The following CNBD2 variants were observed in gnomAD, a reference collection of about 807,000 sequenced individuals.
CNBD2 encodes cyclic nucleotide-binding domain-containing protein 2.
A neutral mutation model predicts 63.7 loss-of-function variants in CNBD2; 64 were observed. The observed-to-expected ratio is 1.00, with a 90% CI of 0.82 to 1.24. The LOEUF (loss-of-function observed/expected upper bound fraction) is 1.24, where lower values mean the gene tolerates loss of function less well. Ranked by LOEUF, CNBD2 falls within the 50% of genes most tolerant of loss-of-function variation. The probability of loss-of-function intolerance (pLI) is 0.00; values close to 1 mark genes in which losing one functional copy is unlikely to be tolerated. For missense variants in CNBD2, 691 were observed against 713.5 expected (o/e 0.97, Z 0.36); for synonymous variants, 229 against 255.4 (o/e 0.90, Z 0.99).
At chr20:36,011,676 C>T (rs1354877719) in intron 10 of CNBD2, among the ~76,000 whole-genome samples, 2 of 152,154 alleles carry the variant, frequency 1.3e-5, no homozygotes, top group Admixed American at 6.5e-5. Context: ...AAAAGGTATA[C>T]AGATTGGGAA....
chr20:36,015,217 A>G (rs1182608506), intron 10 of CNBD2, among the ~76,000 whole-genome samples: 1 of 151,900 alleles, frequency 6.6e-6, no homozygotes, highest in African/African-American at 2.4e-5. Flanking sequence ...AGGCTGTTTG[A>G]TTTCTTGAGA....
intron 3 of CNBD2, among the ~76,000 whole-genome samples, chr20:35,979,991 G>T (rs987503454): frequency 6.6e-6 from 1 of 152,214 alleles, no homozygotes; most frequent in Non-Finnish European, 1.5e-5. Context: ...CACTGGAGAA[G>T]AAAAGCTTTA....
At chr20:35,972,509 A>C in intron 1 of CNBD2, 120 bp from the exon 2 acceptor site, 1 of 918,094 alleles carries the variant, frequency 1.1e-6, no homozygotes, top group Non-Finnish European at 1.7e-6. Flanking sequence ...ACTCCAGCAC[A>C]CTACAGCACA....
chr20:36,028,061 G>A (rs995318682), intron 11 of CNBD2, among the ~76,000 whole-genome samples: 35 of 152,206 alleles, frequency 2.3e-4, no homozygotes, highest in Admixed American at 1.8e-3. Flanking sequence ...AAATACTGGC[G>A]GTTCCTTCTG....
intron 8 of CNBD2, among the ~76,000 whole-genome samples, chr20:36,000,750 GA>G (rs1171089502): frequency 3.5e-5 from 5 of 141,038 alleles, no homozygotes; most frequent in Admixed American, 7.0e-5. Context: ...ATTTGTGTAT[GA>G]AATTTTTTTT....
At chr20:35,998,731 G>A (rs112231463) in intron 8 of CNBD2, among the ~76,000 whole-genome samples, 5,391 of 151,876 alleles carry the variant, frequency 0.035, 333 homozygotes, top group African/African-American at 0.12. Flanking sequence ...AAATTAGCTG[G>A]GCATGGTGGC....
intron 2 of CNBD2, chr20:35,973,090 G>A: frequency 2.1e-6 from 1 of 467,700 alleles, no homozygotes; most frequent in Non-Finnish European, 3.7e-6. Context: ...CAAAATATGG[G>A]CTGAGAGGGA....
upstream of CNBD2, among the ~76,000 whole-genome samples, chr20:35,964,834 C>A (rs1195773564): frequency 6.6e-6 from 1 of 152,056 alleles, no homozygotes; most frequent in Non-Finnish European, 1.5e-5. Context: ...TCCCAAGTAG[C>A]TGGGACTACA....
chr20:35,993,982 C>T (rs1043639931), intron 7 of CNBD2, among the ~76,000 whole-genome samples: 7 of 146,714 alleles, frequency 4.8e-5, no homozygotes, highest in Non-Finnish European at 8.9e-5. Flanking sequence ...TCAAGTGATT[C>T]GATTCTCCTG....
At position 36,008,434 on chromosome 20, in the gene CNBD2, T is replaced by C; in HGVS notation, c.1108T>C (p.Ser370Pro). 1 of 1,613,738 alleles carries C rather than the reference T, an allele frequency of 6.2e-7. No homozygotes were observed. The highest frequency in any genetic ancestry group is 8.5e-7 in the Non-Finnish European group (1 of 1,179,918). The change falls in exon 9 of 12, where the codon TCA becomes CCA. Residue 370 changes from serine to proline, a missense_variant. Transcript: ENST00000373973. ...AAGCTTCAGCAGGAAGATCAGAACC[T>C]CAGGAGACACTCTCCCCAAGATGCT... ...GTSFSRKIRT[S>P]GDTLPKMLGP...
At chr20:35,957,339 C>G (rs1255429623), downstream of CNBD2, among the ~76,000 whole-genome samples, 1 of 152,192 alleles carries the variant, frequency 6.6e-6, no homozygotes, top group Non-Finnish European at 1.5e-5. Context: ...GTAATCCCAG[C>G]ACTTTGGGAG....
rs183897885 is a variant in CNBD2, at chr20:35,972,991, C to A, written c.189+225C>A. The A allele has an allele frequency of 8.4e-4, 466 of 555,716 alleles. 1 individual carries two copies. Among genetic ancestry groups the A allele is most frequent in the African/African-American group, 8.1e-3 (432 of 53,054 alleles). 34.4% of individuals were successfully genotyped at this position (555,716 alleles called of 1,614,324 possible). A position where few individuals can be genotyped will look rare whatever the true frequency, so the allele number is the denominator to read the frequency against. ...TGAACCCCAGATTTAGACAGCCTTA[C>A]ATGCCTAGCCACAGGCAACGCTGGA... On this transcript the variant is annotated intron_variant, in intron 2 of 11. Transcript: ENST00000373973.
At chr20:35,955,907 G>T (rs1025650232), downstream of CNBD2, among the ~76,000 whole-genome samples, 1 of 152,264 alleles carries the variant, frequency 6.6e-6, no homozygotes. Context: ...TTTTGGTACA[G>T]ATGGAGTTTC....
chr20:35,955,672 T>C (rs1209720721), downstream of CNBD2, among the ~76,000 whole-genome samples: 1 of 152,190 alleles, frequency 6.6e-6, no homozygotes, highest in Non-Finnish European at 1.5e-5. Flanking sequence ...CAGAGGTAAT[T>C]GAGAATTCAG....
chr20:35,993,631 T>C (rs760886912), intron 7 of CNBD2, among the ~76,000 whole-genome samples: 29 of 152,176 alleles, frequency 1.9e-4, no homozygotes, highest in Non-Finnish European at 3.5e-4. Context: ...ATACATCTTA[T>C]ATGTTCATAG....
At chr20:35,987,685 C>A in intron 7 of CNBD2, 152 bp downstream of exon 7, 1 of 829,644 alleles carries the variant, frequency 1.2e-6, no homozygotes, top group Non-Finnish European at 1.9e-6. Flanking sequence ...CTGTAAGAGG[C>A]CTGCCTCTCA....
intron 1 of CNBD2, among the ~76,000 whole-genome samples, chr20:35,971,811 C>T (rs1394156640): frequency 6.6e-6 from 1 of 152,088 alleles, no homozygotes; most frequent in African/African-American, 2.4e-5. Flanking sequence ...CTAGAGCAGC[C>T]CCCATGCCTT....
At chr20:35,970,921 T>C (rs2056404793) in intron 1 of CNBD2, among the ~76,000 whole-genome samples, 1 of 151,894 alleles carries the variant, frequency 6.6e-6, no homozygotes, top group South Asian at 2.1e-4. Context: ...ACAGAGACTT[T>C]TATTTAGTTT....
At chr20:36,003,302 C>T (rs1340898602) in intron 8 of CNBD2, among the ~76,000 whole-genome samples, 1 of 151,928 alleles carries the variant, frequency 6.6e-6, no homozygotes, top group Non-Finnish European at 1.5e-5. Context: ...TTATATTTTC[C>T]TACTTCTTTG....
Sources: allele counts gnomAD v4.1 joint callset (sites outside exome capture counted in the v4.1 genomes callset), GRCh38; gene constraint gnomAD v4.1.1; transcripts MANE v1.5; gene names NCBI Gene and HGNC (gene_info 2026-07-23, HGNC 2026-07-21).